The following PPM1E variants were observed in gnomAD, a reference collection of about 807,000 sequenced individuals.
PPM1E encodes the protein protein phosphatase, Mg2+/Mn2+ dependent 1E.
Under a neutral mutation model 65.9 loss-of-function variants are expected in PPM1E, and 20 were observed. The ratio of observed to expected loss-of-function variants is 0.30; its 90% CI spans 0.21 to 0.44. The LOEUF (loss-of-function observed/expected upper bound fraction) is 0.44, where lower values mean the gene tolerates loss of function less well. Among genes scored for constraint, PPM1E ranks in the 20% least tolerant of loss-of-function variants. The probability of loss-of-function intolerance (pLI) is 1.00; values close to 1 mark genes in which losing one functional copy is unlikely to be tolerated. For synonymous variants in PPM1E, 352 were observed against 374.9 expected (o/e 0.94, Z 0.70); for missense variants, 713 against 953.1 (o/e 0.75, Z 3.32).
intron 1 of PPM1E, among the ~76,000 whole-genome samples, chr17:58,883,163 G>T (rs1278283156): frequency 5.3e-5 from 8 of 151,262 alleles, no homozygotes; most frequent in African/African-American, 1.9e-4. Context: ...TCACCATGTT[G>T]GCCAGGGCTG....
At chr17:58,854,388 G>A (rs983770913) in intron 1 of PPM1E, among the ~76,000 whole-genome samples, 1 of 152,062 alleles carries the variant, frequency 6.6e-6, no homozygotes, top group Non-Finnish European at 1.5e-5. Flanking sequence ...TTGCCAATTT[G>A]GATGGCTTTT....
chr17:58,825,263 C>A lies in PPM1E; in HGVS notation c.464+68802C>A, dbSNP rs1030144324. Among the ~76,000 whole-genome samples the A allele has an allele frequency of 9.3e-4, 124 of 133,492 alleles. 2 individuals are homozygous for A. The highest frequency in any genetic ancestry group is 4.7e-3 in the South Asian group (19 of 4,048). 87.6% of individuals were successfully genotyped at this position (133,492 alleles called of 152,430 possible). A position where few individuals can be genotyped will look rare whatever the true frequency, so the allele number is the denominator to read the frequency against. On this transcript the variant is annotated intron_variant, in intron 1 of 6. Coordinates refer to ENST00000308249, the MANE Select transcript of PPM1E (RefSeq NM_014906.5). ...ACACACACACACACACACACACACA[C>A]AAAAATAAATAGAATGAAATATCTG...
At chr17:58,972,107 C>T (rs767855208) in intron 4 of PPM1E, 25 bp from the exon 5 acceptor site, 2 of 1,600,170 alleles carry the variant, frequency 1.2e-6, no homozygotes, top group Non-Finnish European at 1.7e-6. Flanking sequence ...TTCACTGAGT[C>T]TAGTTTTATT....
chr17:58,853,636 T>C (rs890058996), intron 1 of PPM1E, among the ~76,000 whole-genome samples: 2 of 152,182 alleles, frequency 1.3e-5, no homozygotes, highest in Admixed American at 1.3e-4. Context: ...AAGACCAGCC[T>C]GGCCAACATG....
intron 1 of PPM1E, among the ~76,000 whole-genome samples, chr17:58,800,888 C>CT (rs2050252355): frequency 6.6e-6 from 1 of 151,954 alleles, no homozygotes; most frequent in African/African-American, 2.4e-5. Context: ...CAACTTTTGG[C>CT]TTTATTAATT....
intron 1 of PPM1E, among the ~76,000 whole-genome samples, chr17:58,878,865 G>A (rs1481141369): frequency 4.0e-5 from 6 of 150,242 alleles, no homozygotes; most frequent in East Asian, 2.0e-4. Flanking sequence ...CCTGGGAGGC[G>A]GACACTCCAG....
intron 1 of PPM1E, among the ~76,000 whole-genome samples, chr17:58,815,947 AAAAAATATTGATAAAAT>A (rs2050410657): frequency 6.6e-6 from 1 of 152,194 alleles, no homozygotes; most frequent in African/African-American, 2.4e-5. Context: ...GCATTATGAT[AAAAAATATTGATAAAAT>A]AAAAATATTG....
chr17:58,826,353 A>G (rs1012412889), intron 1 of PPM1E, among the ~76,000 whole-genome samples: 5 of 151,778 alleles, frequency 3.3e-5, no homozygotes, highest in Non-Finnish European at 7.4e-5. Flanking sequence ...GATGTTTTAT[A>G]TTATGAAAGA....
intron 1 of PPM1E, among the ~76,000 whole-genome samples, chr17:58,833,656 A>G (rs2050626389): frequency 1.3e-5 from 2 of 152,104 alleles, no homozygotes; most frequent in Non-Finnish European, 2.9e-5. Context: ...TTGATTCCAC[A>G]TCTTTGCTAT....
chr17:58,964,813 G>A (rs1475887503), intron 2 of PPM1E, among the ~76,000 whole-genome samples: 1 of 152,168 alleles, frequency 6.6e-6, no homozygotes, highest in African/African-American at 2.4e-5. Flanking sequence ...GGAGGCCAAG[G>A]TGGGTGGATC....
intron 1 of PPM1E, among the ~76,000 whole-genome samples, chr17:58,898,850 C>G (rs1211872025): frequency 6.6e-6 from 1 of 152,086 alleles, no homozygotes; most frequent in African/African-American, 2.4e-5. Context: ...GCGTTCATGT[C>G]CTTTGTAGCG....
intron 1 of PPM1E, among the ~76,000 whole-genome samples, chr17:58,795,297 A>G (rs540354716): frequency 6.6e-6 from 1 of 152,200 alleles, no homozygotes; most frequent in African/African-American, 2.4e-5. Flanking sequence ...TTCAGAAATC[A>G]CCAAACTGCT....
intron 1 of PPM1E, among the ~76,000 whole-genome samples, chr17:58,794,496 A>G (rs904048479): frequency 6.6e-6 from 1 of 152,146 alleles, no homozygotes; most frequent in Admixed American, 6.6e-5. Flanking sequence ...TGGTGTACAG[A>G]TTATTTCATC....
At chr17:58,862,792 C>T (rs771703138) in intron 1 of PPM1E, among the ~76,000 whole-genome samples, 1 of 152,160 alleles carries the variant, frequency 6.6e-6, no homozygotes, top group Non-Finnish European at 1.5e-5. Flanking sequence ...TACATAAGTT[C>T]AGAAAGTTGA....
At chr17:58,779,297 G>A (rs2050029300) in intron 1 of PPM1E, among the ~76,000 whole-genome samples, 2 of 150,588 alleles carry the variant, frequency 1.3e-5, no homozygotes, top group South Asian at 2.1e-4. Flanking sequence ...TGCTCCTCCC[G>A]AGTAGCTGGG....
chr17:58,842,312 T>C (rs997625493), intron 1 of PPM1E, among the ~76,000 whole-genome samples: 2 of 152,162 alleles, frequency 1.3e-5, no homozygotes, highest in African/African-American at 4.8e-5. Context: ...AATGGGATCC[T>C]GGAACAGAAA....
intron 1 of PPM1E, among the ~76,000 whole-genome samples, chr17:58,805,085 G>A (rs1345620707): frequency 6.6e-6 from 1 of 151,782 alleles, no homozygotes; most frequent in Non-Finnish European, 1.5e-5. Context: ...ACCTCCCTGA[G>A]ATCAACTTTT....
At chr17:58,799,916 C>A (rs1322810624) in intron 1 of PPM1E, among the ~76,000 whole-genome samples, 1 of 152,166 alleles carries the variant, frequency 6.6e-6, no homozygotes, top group African/African-American at 2.4e-5. Context: ...TGTAAATTAT[C>A]CAACCTTGTT....
chr17:58,840,975 C>A (rs7210513), intron 1 of PPM1E, among the ~76,000 whole-genome samples: 151,658 of 152,278 alleles, frequency 1, 75,522 homozygotes, highest in Middle Eastern at 1. Context: ...GTTTTATAGG[C>A]TGGACCTGGA....
Sources: gnomAD v4.1 joint callset for allele counts (sites outside exome capture counted in the v4.1 genomes callset) on GRCh38, gnomAD v4.1.1 for gene constraint, MANE v1.5 for transcripts, NCBI Gene and HGNC (gene_info 2026-07-23, HGNC 2026-07-21) for gene names.